EMC7: variants seen among roughly 807,000 people sequenced by gnomAD.
The protein encoded by EMC7 is endoplasmic reticulum membrane protein complex subunit 7.
A neutral mutation model predicts 24.4 loss-of-function variants in EMC7; 4 were observed. The ratio of observed to expected loss-of-function variants is 0.16; its 90% CI spans 0.08 to 0.38. EMC7 has a LOEUF of 0.38. Among genes scored for constraint, EMC7 ranks in the 10% least tolerant of loss-of-function variants. EMC7 has a pLI of 1.00. For synonymous variants in EMC7, 106 were observed against 112.0 expected (o/e 0.95, Z 0.34); for missense variants, 221 against 300.6 (o/e 0.74, Z 1.96).
intron 4 of EMC7, chr15:34,086,250 C>A: frequency 3.2e-6 from 1 of 317,180 alleles, no homozygotes; most frequent in South Asian, 3.2e-5. Flanking sequence ...TGACTGGTGC[C>A]AGATAAACCT....
intron 2 of EMC7, among the ~76,000 whole-genome samples, chr15:34,091,934 T>C (rs1440221872): frequency 2.0e-5 from 3 of 152,162 alleles, no homozygotes; most frequent in Non-Finnish European, 4.4e-5. Context: ...CCCACATATA[T>C]TCAAAACTAA....
chr15:34,096,089 C>T, intron 1 of EMC7, 75 bp from the exon 2 acceptor site: 1 of 1,396,770 alleles, frequency 7.2e-7, no homozygotes, highest in Non-Finnish European at 9.5e-7. Flanking sequence ...ATTCCCAAAT[C>T]AACTCTCCCG....
intron 1 of EMC7, among the ~76,000 whole-genome samples, chr15:34,096,715 T>C (rs1039634264): frequency 1.3e-4 from 20 of 151,848 alleles, no homozygotes; most frequent in Admixed American, 4.6e-4. Context: ...AGGCCAGGCG[T>C]GGTGGCTGCC....
chr15:34,085,460 T>C (rs1900864682), intron 4 of EMC7, among the ~76,000 whole-genome samples: 2 of 152,142 alleles, frequency 1.3e-5, no homozygotes, highest in Non-Finnish European at 2.9e-5. Context: ...AGATAGCAAA[T>C]ACTATATTAT....
Position 34,101,791 on chromosome 15 carries a change from G to A in EMC7, c.49C>T (p.Leu17=), listed in dbSNP as rs1262505585. 6.3e-7 allele frequency: 1 copy of A among 1,590,460 alleles called. No homozygotes were observed. Among genetic ancestry groups the A allele is most frequent in the Non-Finnish European group, 8.6e-7 (1 of 1,168,322 alleles). ...GFFPVLLLLL[L]SGDVQSSEVP... ...TCCGAGCTCTGGACATCCCCCGATA[G>A]CAGCAGCAGCAGCAGGACGGGAAAG... The change falls in exon 1 of 5, where the codon CTA becomes TTA. Residue 17 remains leucine (L), a synonymous_variant. Coordinates refer to ENST00000256545, the MANE Select transcript of EMC7 (RefSeq NM_020154.3).
intron 1 of EMC7, among the ~76,000 whole-genome samples, chr15:34,099,317 T>A (rs1901138662): frequency 6.6e-6 from 1 of 152,160 alleles, no homozygotes. Flanking sequence ...AATATTACTA[T>A]GTAAACAAAC....
At chr15:34,089,956 A>T (rs1360753608) in intron 3 of EMC7, among the ~76,000 whole-genome samples, 1 of 152,168 alleles carries the variant, frequency 6.6e-6, no homozygotes, top group Non-Finnish European at 1.5e-5. Context: ...AACCCCGTCT[A>T]AAAAAAGCCA....
chr15:34,100,123 T>C (rs1567504382), intron 1 of EMC7, among the ~76,000 whole-genome samples: 1 of 152,202 alleles, frequency 6.6e-6, no homozygotes, highest in Non-Finnish European at 1.5e-5. Flanking sequence ...GAAATATCAC[T>C]TGAGGCCAGG....
At chr15:34,090,556 C>T in intron 2 of EMC7, 101 bp from the exon 3 acceptor site, 1 of 1,263,328 alleles carries the variant, frequency 7.9e-7, no homozygotes, top group Non-Finnish European at 1.0e-6. Context: ...TACACACTTT[C>T]AGCTTTTTCC....
At chr15:34,086,958 C>A (rs1732907917) in intron 4 of EMC7, among the ~76,000 whole-genome samples, 1 of 152,182 alleles carries the variant, frequency 6.6e-6, no homozygotes, top group African/African-American at 2.4e-5. Flanking sequence ...TTACCTTCCA[C>A]AGAACATAAT....
chr15:34,088,016 A>G (rs940940175), intron 4 of EMC7, 37 bp downstream of exon 4: 1 of 203,798 alleles, frequency 4.9e-6, no homozygotes, highest in Admixed American at 6.9e-5. Context: ...TCTATCTCTT[A>G]AAAAAAAAAA....
intron 1 of EMC7, among the ~76,000 whole-genome samples, chr15:34,100,078 C>T (rs561047932): frequency 2.4e-4 from 37 of 152,344 alleles, no homozygotes; most frequent in African/African-American, 8.7e-4. Flanking sequence ...CCGTGGCTCA[C>T]GCCTATAATC....
At chr15:34,093,823 A>ATTTTTT (rs753095506) in intron 2 of EMC7, among the ~76,000 whole-genome samples, 14 of 48,698 alleles carry the variant, frequency 2.9e-4, no homozygotes, top group South Asian at 1.1e-3. Flanking sequence ...ATATATATAT[A>ATTTTTT]TTTTTTTTTT....
chr15:34,088,168 C>A, intron 3 of EMC7, 35 bp from the exon 4 acceptor site: 1 of 1,564,096 alleles, frequency 6.4e-7, no homozygotes, highest in Admixed American at 1.9e-5. Flanking sequence ...ATGTTTTTCC[C>A]CCACTTTACA....
intron 1 of EMC7, among the ~76,000 whole-genome samples, chr15:34,097,187 T>C (rs908944825): frequency 4.0e-5 from 6 of 151,826 alleles, no homozygotes; most frequent in Non-Finnish European, 8.8e-5. Context: ...GCGCCCTCCA[T>C]CACGCCCGGT....
rs201752471 is a variant in EMC7 at position 34,101,811 on chromosome 15, G to A, written c.29C>T (p.Pro10Leu). Residue 10 changes from proline to leucine, a missense_variant, in exon 1 of 5, where the codon CCC (proline) becomes CTC (leucine). This residue lies in a region of EMC7 where 156 missense variants were observed against 177.1 expected (regional missense o/e 0.88). Coordinates refer to ENST00000256545, the MANE Select transcript of EMC7 (RefSeq NM_020154.3). MAAALWGFF[P>L]VLLLLLLSGD... Reference sequence around the variant, plus strand: ...CGATAGCAGCAGCAGCAGCAGGACGGGAAAGAAGCCCCACAGAGCGGCCGC... The same window carrying A: ...CGATAGCAGCAGCAGCAGCAGGACGAGAAAGAAGCCCCACAGAGCGGCCGC... 3 of 1,610,652 alleles carry A rather than the reference G, an allele frequency of 1.9e-6. No homozygotes were observed. The highest frequency in any genetic ancestry group is 2.5e-6 in the Non-Finnish European group (3 of 1,179,600).
In EMC7 at chr15:34,088,468, C is replaced by CTTT. The variant is rs11423386; in HGVS notation, c.496-338_496-336dup. Among the ~76,000 whole-genome samples the CTTT allele has an allele frequency of 2.7e-4, 38 of 142,056 alleles. 2 individuals carry two copies. The highest frequency in any genetic ancestry group is 4.7e-4 in the African/African-American group (18 of 38,454). 93.2% of individuals were successfully genotyped at this position (142,056 alleles called of 152,430 possible). On this transcript the variant is annotated intron_variant, in intron 3 of 4. Transcript: ENST00000256545. ...GTTTGCAAATGGAACTATCTATTCC[C>CTTT]TTTTTTTTTTTTTTTAATCTATAGT...
intron 4 of EMC7, among the ~76,000 whole-genome samples, chr15:34,087,263 A>G (rs1900903946): frequency 6.6e-6 from 1 of 152,222 alleles, no homozygotes; most frequent in Non-Finnish European, 1.5e-5. Flanking sequence ...GGGAACCTTG[A>G]AACTCAGAAG....
chr15:34,094,612 GA>G (rs1379083685), intron 2 of EMC7, among the ~76,000 whole-genome samples: 1 of 151,992 alleles, frequency 6.6e-6, no homozygotes, highest in African/African-American at 2.4e-5. Flanking sequence ...TGAGGTACGA[GA>G]ATCCCTTGAA....
Sources: allele counts gnomAD v4.1 joint callset (sites outside exome capture counted in the v4.1 genomes callset), GRCh38; gene constraint gnomAD v4.1.1; regional missense constraint gnomAD v4.1.1; transcripts MANE v1.5; gene names NCBI Gene and HGNC (gene_info 2026-07-23, HGNC 2026-07-21).